The following PSG4 variants were observed in gnomAD, a reference collection of about 807,000 sequenced individuals.
The protein encoded by PSG4 is pregnancy-specific beta-1-glycoprotein 4.
A neutral mutation model predicts 44.3 loss-of-function variants in PSG4; 61 were observed. The observed-to-expected ratio is 1.38, with a 90% CI of 1.12 to 1.70. PSG4 has a LOEUF of 1.70. PSG4 is among the 40% of genes most tolerant of loss of function. The pLI, the probability that PSG4 is intolerant of heterozygous loss-of-function variation, is 0.00. For synonymous variants in PSG4, 248 were observed against 191.3 expected (o/e 1.30, Z -2.45); for missense variants, 677 against 511.7 (o/e 1.32, Z -3.12).
At chr19:43,195,361 C>A (rs758762301) in intron 3 of PSG4, 88 bp from the exon 4 acceptor site, 2 of 1,545,982 alleles carry the variant, frequency 1.3e-6, no homozygotes, top group Non-Finnish European at 1.8e-6. Flanking sequence ...CATCTCCCAC[C>A]TCTCAGCCCA....
In PSG4 at chr19:43,199,464, C is replaced by G. The variant is rs150688167; in HGVS notation, c.431-1189G>C. The stretch of plus-strand genomic sequence containing the variant: ...CAGAAAGGTTAAAACAAAGTGTTTT[C>G]GATTTCTAATTTTTTTATTTTGGAA... On this transcript the variant is annotated intron_variant, in intron 2 of 5. Transcript: ENST00000405312. Among the ~76,000 whole-genome samples, 190 of 145,606 alleles carry G rather than the reference C, an allele frequency of 1.3e-3. 38 individuals carry two copies. In the East Asian group the frequency reaches 0.026, roughly 20 times the overall value.
At position 43,192,949 on chromosome 19, in the gene PSG4, G is replaced by T. The variant is rs1377743688; in HGVS notation, c.*423C>A. 3.2e-5 allele frequency: 14 copies of T among 444,418 alleles called. 1 individual carries two copies. The highest frequency in any genetic ancestry group is 1.5e-4 in the Admixed American group (4 of 26,616). 27.5% of individuals were successfully genotyped at this position (444,418 alleles called of 1,614,324 possible). ...GAGAGAGCCACATTTCCCCTGAGAT[G>T]TTACGTAAAAGTTTGAGGTTGAGAT... On this transcript the variant is annotated 3_prime_UTR_variant, in exon 6 of 6. Transcript: ENST00000405312.
Position 43,204,510 on chromosome 19 carries a change from G to A in PSG4, c.65-259C>T, listed in dbSNP as rs752969126. The A allele has an allele frequency of 4.8e-5, 23 of 477,016 alleles. 2 individuals carry two copies. The highest frequency in any genetic ancestry group is 7.2e-5 in the Non-Finnish European group (21 of 292,650). 29.5% of individuals were successfully genotyped at this position (477,016 alleles called of 1,614,324 possible). ...CTTTTTGGATTCCTCTTCCCCAGGG[G>A]TCCGCACGGCCCCCTCCACACTGCC... On this transcript the variant is annotated intron_variant, in intron 1 of 5. Transcript: ENST00000405312.
At chr19:43,195,799 C>G (rs1380582632) in intron 3 of PSG4, among the ~76,000 whole-genome samples, 2 of 150,336 alleles carry the variant, frequency 1.3e-5, no homozygotes, top group Admixed American at 1.3e-4. Context: ...AGAAATAACA[C>G]AGGAGAGACC....
rs760739519 is a variant in PSG4 at position 43,204,285 on chromosome 19, G to A, written c.65-34C>T. The A allele has an allele frequency of 2.6e-6, 4 of 1,534,074 alleles. No individual in the cohort carries two copies. The South Asian group carries it at 4.9e-5, about 19-fold the overall frequency. ...TACAGAGAGCATCAGTTAATATTGA[G>A]ACCTATGTATTGGGGTGAAAAGATG... On this transcript the variant is annotated intron_variant, in intron 1 of 5. Coordinates refer to ENST00000405312, the MANE Select transcript of PSG4 (RefSeq NM_002780.5).
rs186520131 is a variant in PSG4, at chr19:43,194,988, T to C, written c.988+7A>G. 1.2e-4 allele frequency: 198 copies of C among 1,610,132 alleles called. 3 individuals carry two copies. The highest frequency in any genetic ancestry group is 6.8e-4 in the Middle Eastern group (4 of 5,860). ...TCCTGGCCCACAGAGGAACAAAAGA[T>C]ACTCACAGAGGACATTCAGGGTGAC... is the stretch of plus-strand genomic sequence containing the variant. On this transcript the variant is annotated splice_region_variant and intron_variant, in intron 4 of 5. Transcript: ENST00000405312.
chr19:43,200,833 G>C (rs961973925), intron 2 of PSG4, among the ~76,000 whole-genome samples: 1 of 146,288 alleles, frequency 6.8e-6, no homozygotes, highest in Non-Finnish European at 1.5e-5. Flanking sequence ...GCCTCCCAAA[G>C]TCCTGGGATT....
Position 43,195,144 on chromosome 19 carries a change from A to G in PSG4, c.839T>C (p.Leu280Pro), listed in dbSNP as rs747834847. The change falls in exon 4 of 6, where the codon CTC (leucine) becomes CCC (proline). Residue 280 changes from leucine (L) to proline (P), a missense_variant. Physicochemically the swap from Leu to Pro is moderately conservative, Grantham distance 98. Transcript: ENST00000405312. Reference protein sequence around the residue: ...TYIWWLNGQSLPVSPRVKRPI... With the variant: ...TYIWWLNGQSPPVSPRVKRPI... ...TCGCTTTACCCTGGGACTGACAGGG[A>G]GGCTCTGACCATTTAGCCACCAAAT... 60 of 1,610,290 alleles carry G rather than the reference A, an allele frequency of 3.7e-5. 1 individual carries two copies. The highest frequency in any genetic ancestry group is 4.2e-5 in the Non-Finnish European group (49 of 1,179,040).
rs920691211 is a variant in PSG4 at position 43,203,929 on chromosome 19, A to T, written c.387T>A (p.Asp129Glu). 1.1e-5 allele frequency: 17 copies of T among 1,585,526 alleles called. 3 individuals carry two copies. The African/African-American group carries it at 2.2e-4, about 20-fold the overall frequency. The stretch of plus-strand genomic sequence containing the variant: ...AATGTCCAGTTACTCCTCCAGTCCC[A>T]TCGCGTCGCTTTATGATGTGTAAGG... ...SYTLHIIKRR[D>E]GTGGVTGHFT... Residue 129 changes from aspartate to glutamate, a missense_variant, in exon 2 of 6, where the codon GAT (aspartate) becomes GAA (glutamate). Transcript: ENST00000405312.
chr19:43,193,472 T>A, intron 5 of PSG4, 84 bp from the exon 6 acceptor site: 1 of 761,108 alleles, frequency 1.3e-6, no homozygotes, highest in South Asian at 1.3e-5. Flanking sequence ...ATTTTCCACA[T>A]AATTTTTCTC....
In PSG4 at chr19:43,194,060, T is replaced by C. The variant is rs1316356875; in HGVS notation, c.1243+280A>G. ...TTTAAAGAATCAGCAAATTTTCAAATAAAAATCATAAAAATATTATCCTCA... is the reference window on the plus strand; with the variant it reads ...TTTAAAGAATCAGCAAATTTTCAAACAAAAATCATAAAAATATTATCCTCA... On this transcript the variant is annotated intron_variant, in intron 5 of 5. Transcript: ENST00000405312. The C allele has an allele frequency of 5.9e-6, 7 of 1,181,642 alleles. 1 individual carries two copies. Among genetic ancestry groups the C allele is most frequent in the East Asian group, 2.6e-5 (1 of 38,716 alleles). The allele number at this position is 1,181,642 out of a possible 1,614,324, so 73.2% of individuals were successfully genotyped here. A position where few individuals can be genotyped will look rare whatever the true frequency, so the allele number is the denominator to read the frequency against.
At chr19:43,196,802 C>G (rs3859475) in intron 3 of PSG4, 102,898 of 149,896 alleles carry the variant, frequency 0.69, 36,374 homozygotes, top group East Asian at 0.93. Flanking sequence ...CTCAGTGTTT[C>G]TGTTGTGGCA....
chr19:43,194,138 G>C, intron 5 of PSG4: 2 of 1,441,996 alleles, frequency 1.4e-6, no homozygotes, highest in African/African-American at 1.4e-5. Flanking sequence ...GGTCTAGGCT[G>C]GGAATTTTAA....
intron 1 of PSG4, 118 bp from the exon 2 acceptor site, chr19:43,204,369 A>G: frequency 1.6e-6 from 2 of 1,288,788 alleles, no homozygotes; most frequent in Non-Finnish European, 1.1e-6. Context: ...CACACATACA[A>G]ACACATACAC....
At chr19:43,204,815 CT>C in intron 1 of PSG4, 3 of 361,034 alleles carry the variant, frequency 8.3e-6, no homozygotes, top group Non-Finnish European at 1.1e-5. Flanking sequence ...GGTCTCCACC[CT>C]CTGGATGTTT....
chr19:43,194,189 G>T, intron 5 of PSG4, 151 bp downstream of exon 5: 1 of 1,543,536 alleles, frequency 6.5e-7, no homozygotes, highest in South Asian at 1.3e-5. Context: ...GAAGTTCTTA[G>T]ACAAATTGGG....
At chr19:43,197,653 G>A in intron 3 of PSG4, 1 of 361,628 alleles carries the variant, frequency 2.8e-6, no homozygotes. Context: ...GGAAAATCCT[G>A]GTCTGTGGAA....
At chr19:43,203,679 A>C (rs1967621383) in intron 2 of PSG4, 3 of 935,436 alleles carry the variant, frequency 3.2e-6, no homozygotes, top group Non-Finnish European at 4.6e-6. Flanking sequence ...CTCTGCAGCG[A>C]GTGTCTGCAG....
At chr19:43,197,330 G>T (rs1260537232) in intron 3 of PSG4, among the ~76,000 whole-genome samples, 1 of 145,482 alleles carries the variant, frequency 6.9e-6, no homozygotes, top group Non-Finnish European at 1.5e-5. Context: ...AATGCTCCAG[G>T]GATCCACTTA....
Sources: allele counts gnomAD v4.1 joint callset (sites outside exome capture counted in the v4.1 genomes callset), GRCh38; gene constraint gnomAD v4.1.1; transcripts MANE v1.5; gene names NCBI Gene and HGNC (gene_info 2026-07-23, HGNC 2026-07-21).